The following ARX variants were observed in gnomAD, a reference collection of about 807,000 sequenced individuals.
ARX encodes the protein homeobox protein ARX.
A neutral mutation model predicts 23.1 loss-of-function variants in ARX; 1 was observed. That is an observed-to-expected ratio of 0.04 (90% CI 0.02 to 0.21). The LOEUF (loss-of-function observed/expected upper bound fraction) is 0.21. Among genes scored for constraint, ARX ranks in the 10% least tolerant of loss-of-function variants. ARX has a pLI of 1.00. For missense variants in ARX, 380 were observed against 527.5 expected (o/e 0.72, Z 2.74); for synonymous variants, 301 against 270.1 (o/e 1.11, Z -1.12).
chrX:25,004,953 T>TGCGCGGACA (rs2048671219), intron 4 of ARX, 43 bp from the exon 5 acceptor site: 1 of 1,071,672 alleles, frequency 9.3e-7, no homozygotes, highest in Non-Finnish European at 1.2e-6. Flanking sequence ...TCGGGAGCTG[T>TGCGCGGACA]GCGCGGCGCC....
intron 2 of ARX, 21 bp downstream of exon 2, chrX:25,012,901 G>T (rs779281432): frequency 1.7e-6 from 2 of 1,198,542 alleles, no homozygotes; most frequent in Non-Finnish European, 2.2e-6. Flanking sequence ...CGCTGCGACC[G>T]CGACCACCCT....
At chrX:25,011,318 G>A in intron 2 of ARX, among the ~76,000 whole-genome samples, 1 of 110,329 alleles carries the variant, frequency 9.1e-6, no homozygotes, top group South Asian at 4.0e-4. Flanking sequence ...GGCACTCCAG[G>A]CTGGCTCAGG....
chrX:25,004,260 TAAAAA>T lies in ARX; in HGVS notation c.*405_*409del, dbSNP rs773507925. On this transcript the variant is annotated 3_prime_UTR_variant, in exon 5 of 5. Coordinates refer to ENST00000379044, the MANE Select transcript of ARX (RefSeq NM_139058.3). ...CAACTTCGAGCGCCAAAATGCTATT[TAAAAA>T]AAAAAAAGAAAGAAAGAAAGAAAGA... 125 of 129,144 alleles carry T rather than the reference TAAAAA, an allele frequency of 9.7e-4. No homozygotes were observed. Among genetic ancestry groups the T allele is most frequent in the African/African-American group, 3.8e-3 (108 of 28,187 alleles). The allele number at this position is 129,144 out of a possible 1,213,427, so 10.6% of individuals were successfully genotyped here.
chrX:25,015,569 G>C lies in ARX; in HGVS notation c.169C>G (p.Arg57Gly). The C allele has an allele frequency of 8.3e-7, 1 of 1,209,607 alleles. No individual in the cohort carries two copies. Among genetic ancestry groups the C allele is most frequent in the Middle Eastern group, 2.3e-4 (1 of 4,320 alleles). Residue 57 changes from arginine (R) to glycine (G), a missense_variant, in exon 1 of 5, where the codon CGC becomes GGC. By Grantham distance (125) the Arg-to-Gly change is moderately radical. Around this residue, in one of 3 missense-constraint regions of ARX, gnomAD observed 235 missense variants for 270.2 expected, o/e 0.87. Transcript: ENST00000379044. ...TGCACGGCCTTTTCCGGGTCGGCGC[G>C]GCTGGTCAGCGGAGCAGGCAAGCTC... The part of the protein sequence containing the change: ...AQSLPAPLTS[R>G]ADPEKAVQGS...
intron 2 of ARX, among the ~76,000 whole-genome samples, chrX:25,012,598 A>G (rs1316389668): frequency 1.8e-5 from 2 of 113,305 alleles, no homozygotes; most frequent in Non-Finnish European, 3.7e-5. Context: ...CGCGTCTCCA[A>G]GGTGGCGCTT....
At chrX:25,014,384 T>G (rs1233885972) in intron 1 of ARX, among the ~76,000 whole-genome samples, 1 of 112,251 alleles carries the variant, frequency 8.9e-6, no homozygotes. Context: ...GCATGACCTC[T>G]GCCCGCTGCT....
rs1569393394 is a variant in ARX at position 25,004,632 on chromosome X, T to G, written c.*38A>C. On this transcript the variant is annotated 3_prime_UTR_variant, in exon 5 of 5. Transcript: ENST00000379044. Reference sequence around the variant, plus strand: ...GAGTGGTGCTGAGTGAGGTGACCTTTCGGGGCGCGCGCGGGGCGCGGGTGT... The same window carrying G: ...GAGTGGTGCTGAGTGAGGTGACCTTGCGGGGCGCGCGCGGGGCGCGGGTGT... The G allele has an allele frequency of 2.6e-6, 3 of 1,163,571 alleles. No homozygotes were observed. The Admixed American group carries it at 7.7e-5, about 30-fold the overall frequency.
chrX:25,010,388 C>A, intron 2 of ARX, 83 bp from the exon 3 acceptor site: 1 of 1,107,088 alleles, frequency 9.0e-7, no homozygotes, highest in Non-Finnish European at 1.2e-6. Context: ...TATGGCAGGC[C>A]TACTCCACCA....
Position 25,004,844 on chromosome X carries a change from T to G in ARX, c.1515A>C (p.Thr505=), listed in dbSNP as rs398124509. 4.3e-6 allele frequency: 5 copies of G among 1,162,834 alleles called. No individual in the cohort carries two copies. Among genetic ancestry groups the G allele is most frequent in the Non-Finnish European group, 3.4e-6 (3 of 871,560 alleles). Residue 505 remains threonine, a synonymous_variant, in exon 5 of 5, where the codon ACA becomes ACC. Coordinates refer to ENST00000379044, the MANE Select transcript of ARX (RefSeq NM_139058.3). ...ATGCCACTGCGCCCTCCACGGCGGGTGTGGGCTGTCTCAGGAGCGCGGCCG... is the reference window on the plus strand; with the variant it reads ...ATGCCACTGCGCCCTCCACGGCGGGGGTGGGCTGTCTCAGGAGCGCGGCCG... ...STAAALLRQP[T]PAVEGAVASG... is the part of the protein sequence containing the mutation.
At chrX:25,006,961 TAG>T (rs1405933467) in intron 4 of ARX, 148 bp downstream of exon 4, 1 of 699,939 alleles carries the variant, frequency 1.4e-6, no homozygotes, top group African/African-American at 2.3e-5. Flanking sequence ...GAGGCTCAAT[TAG>T]AGAGTATTTT....
chrX:25,015,615 C>G lies in ARX; in HGVS notation c.123G>C (p.Met41Ile), dbSNP rs750726352. The change falls in exon 1 of 5, where the codon ATG becomes ATC. Residue 41 changes from methionine to isoleucine, a missense_variant. By Grantham distance (10) the Met-to-Ile change is conservative (BLOSUM62 1). This residue lies in a region of ARX where 235 missense variants were observed against 270.2 expected (regional missense o/e 0.87). Transcript: ENST00000379044. ...SILGRRSPCKMRLLGAAQSLP... is the reference protein window; with the variant it reads ...SILGRRSPCKIRLLGAAQSLP... Reference sequence around the variant, plus strand: ...AGCTCTGCGCGGCTCCCAGCAACCGCATTTTGCACGGGCTCCTCCGGCCCA... The same window carrying G: ...AGCTCTGCGCGGCTCCCAGCAACCGGATTTTGCACGGGCTCCTCCGGCCCA... 8.3e-7 allele frequency: 1 copy of G among 1,209,065 alleles called. No homozygotes were observed. The highest frequency in any genetic ancestry group is 1.7e-5 in the African/African-American group (1 of 57,483).
chrX:25,004,813 C>A lies in ARX; in HGVS notation c.1546G>T (p.Ala516Ser), dbSNP rs747042039. The A allele has an allele frequency of 6.0e-6, 7 of 1,174,004 alleles. No homozygotes were observed. Among genetic ancestry groups the A allele is most frequent in the Non-Finnish European group, 8.0e-6 (7 of 877,054 alleles). Residue 516 changes from alanine to serine, a missense_variant, in exon 5 of 5, where the codon GCC becomes TCC. By Grantham distance (99) the Ala-to-Ser change is moderately conservative. Coordinates refer to ENST00000379044, the MANE Select transcript of ARX (RefSeq NM_139058.3). ...GCCGCCGTGGCCGGGTCGGCCAGGG[C>A]GCCCGATGCCACTGCGCCCTCCACG... ...PAVEGAVASG[A>S]LADPATAAAD... is the part of the protein sequence containing the mutation.
chrX:25,015,520 T>C (rs2048723118), intron 1 of ARX, 22 bp downstream of exon 1: 1 of 1,206,506 alleles, frequency 8.3e-7, no homozygotes, highest in East Asian at 3.0e-5. Context: ...CCTTAGTAAG[T>C]GCCTGACGGG....
chrX:25,007,101 T>C lies in ARX; in HGVS notation c.1448+10A>G, dbSNP rs774033566. On this transcript the variant is annotated intron_variant, in intron 4 of 4. Coordinates refer to ENST00000379044, the MANE Select transcript of ARX (RefSeq NM_139058.3). ...AGACAGACAGACAGACTTCCGAGGC[T>C]GCGCGTTACCTGCCGAATGCCGGGC... 6 of 1,188,325 alleles carry C rather than the reference T, an allele frequency of 5.0e-6. No individual in the cohort carries two copies. The highest frequency in any genetic ancestry group is 2.3e-5 in the Admixed American group (1 of 43,583).
intron 4 of ARX, chrX:25,006,472 CTTT>C (rs915615517): frequency 8.9e-6 from 1 of 112,682 alleles, no homozygotes; most frequent in Non-Finnish European, 1.9e-5. Flanking sequence ...ATTATACAGA[CTTT>C]TTATTTCCTC....
chrX:25,015,956 C>T lies in ARX; in HGVS notation c.-219G>A. On this transcript the variant is annotated 5_prime_UTR_variant, in exon 1 of 5. Transcript: ENST00000379044. Reference sequence around the variant, plus strand: ...TCTCCGCGCTCAGGACAAGCGGTAACAAGTGTAGTGAGCAGCGGGCGCTGA... The same window carrying T: ...TCTCCGCGCTCAGGACAAGCGGTAATAAGTGTAGTGAGCAGCGGGCGCTGA... 2.3e-6 allele frequency: 1 copy of T among 443,488 alleles called. No individual in the cohort carries two copies. Among genetic ancestry groups the T allele is most frequent in the Non-Finnish European group, 4.0e-6 (1 of 251,921 alleles). The allele number at this position is 443,488 out of a possible 1,213,427, so 36.5% of individuals were successfully genotyped here. A position where few individuals can be genotyped will look rare whatever the true frequency, so the allele number is the denominator to read the frequency against.
Position 25,004,973 on chromosome X carries a change from G to T in ARX, c.1449-63C>A, listed in dbSNP as rs963914513. The stretch of plus-strand genomic sequence containing the variant: ...AGCTGTGCGCGGCGCCTCGGGCAGC[G>T]TCTCCCGCCGCTTGTCGCCGGGGCA... On this transcript the variant is annotated intron_variant, in intron 4 of 4. Transcript: ENST00000379044. The T allele has an allele frequency of 1.6e-5, 17 of 1,055,775 alleles. No homozygotes were observed. In the South Asian group the frequency reaches 4.4e-4, roughly 27 times the overall value. 87.0% of individuals were successfully genotyped at this position (1,055,775 alleles called of 1,213,427 possible). A position where few individuals can be genotyped will look rare whatever the true frequency, so the allele number is the denominator to read the frequency against.
intron 4 of ARX, chrX:25,006,687 G>A (rs1392411844): frequency 8.7e-6 from 1 of 114,873 alleles, no homozygotes; most frequent in Non-Finnish European, 1.8e-5. Flanking sequence ...GGGCTCCCAT[G>A]GGGATCAGGG....
chrX:25,007,106 G>A lies in ARX; in HGVS notation c.1448+5C>T, dbSNP rs2048681367. 2.5e-6 allele frequency: 3 copies of A among 1,189,021 alleles called. No individual in the cohort carries two copies. Among genetic ancestry groups the A allele is most frequent in the African/African-American group, 3.5e-5 (2 of 56,431 alleles). ...GACAGACAGACTTCCGAGGCTGCGC[G>A]TTACCTGCCGAATGCCGGGCTGATG... On this transcript the variant is annotated splice_donor_5th_base_variant and intron_variant, in intron 4 of 4. Transcript: ENST00000379044.
Sources: allele counts gnomAD v4.1 joint callset (sites outside exome capture counted in the v4.1 genomes callset), GRCh38; gene constraint gnomAD v4.1.1; regional missense constraint gnomAD v4.1.1; transcripts MANE v1.5; gene names NCBI Gene and HGNC (gene_info 2026-07-23, HGNC 2026-07-21).